Variants in MYO6 observed in about 807,000 individuals in gnomAD.
The protein encoded by MYO6 is myosin VI, also known as unconventional myosin-VI.
Under a neutral mutation model 178.7 loss-of-function variants are expected in MYO6, and 74 were observed. The observed-to-expected ratio is 0.41, with a 90% CI of 0.34 to 0.50. The LOEUF (loss-of-function observed/expected upper bound fraction) is 0.50, where lower values mean the gene tolerates loss of function less well. Among genes scored for constraint, MYO6 ranks in the 20% least tolerant of loss-of-function variants. The probability of loss-of-function intolerance (pLI) is 0.09; values close to 1 mark genes in which losing one functional copy is unlikely to be tolerated. For missense variants in MYO6, 1,330 were observed against 1,547.4 expected (o/e 0.86, Z 2.36); for synonymous variants, 477 against 504.6 (o/e 0.95, Z 0.73).
chr6:75,887,611 A>G (rs1334636086), intron 25 of MYO6, among the ~76,000 whole-genome samples: 3 of 139,218 alleles, frequency 2.2e-5, no homozygotes. Flanking sequence ...ACTGCACTCC[A>G]GCCTGGTGAC....
At chr6:75,791,427 A>G (rs971373587) in intron 1 of MYO6, among the ~76,000 whole-genome samples, 5 of 152,218 alleles carry the variant, frequency 3.3e-5, no homozygotes, top group African/African-American at 7.2e-5. Context: ...AATGATTTCT[A>G]ACCAGTGTAA....
rs199543711 is a variant in MYO6, at chr6:75,850,804, A to T, written c.1078+2273A>T. Reference sequence around the variant, plus strand: ...TACGCGAGTTAAATATTTGTAAATGATTTGAGTACTTGTGTCTGGCACATA... The same window carrying T: ...TACGCGAGTTAAATATTTGTAAATGTTTTGAGTACTTGTGTCTGGCACATA... On this transcript the variant is annotated intron_variant, in intron 11 of 34. Transcript: ENST00000369977. 9.2e-5 allele frequency among the ~76,000 whole-genome samples: 14 copies of T among 152,310 alleles called. No homozygotes were observed. In the East Asian group the frequency reaches 2.5e-3, roughly 27 times the overall value.
intron 30 of MYO6, among the ~76,000 whole-genome samples, chr6:75,904,791 G>A (rs1408444696): frequency 6.6e-6 from 1 of 152,212 alleles, no homozygotes; most frequent in African/African-American, 2.4e-5. Context: ...TCCTTTGGAG[G>A]AGGAGAGGCG....
intron 22 of MYO6, among the ~76,000 whole-genome samples, chr6:75,881,229 G>T (rs1280785435): frequency 6.6e-6 from 1 of 152,132 alleles, no homozygotes; most frequent in East Asian, 1.9e-4. Context: ...AAAAAAGGTT[G>T]GGGGTGGGTA....
chr6:75,762,677 G>A (rs1174049756), intron 1 of MYO6, among the ~76,000 whole-genome samples: 1 of 152,176 alleles, frequency 6.6e-6, no homozygotes, highest in East Asian at 1.9e-4. Flanking sequence ...TTTCTGCTCT[G>A]CACAGGGCTC....
At chr6:75,775,541 C>T (rs1766297585) in intron 1 of MYO6, among the ~76,000 whole-genome samples, 2 of 152,148 alleles carry the variant, frequency 1.3e-5, no homozygotes, top group South Asian at 2.1e-4. Context: ...GCCTGCTTTA[C>T]CAAAGATCAG....
intron 1 of MYO6, among the ~76,000 whole-genome samples, chr6:75,764,011 A>C (rs1270245090): frequency 6.6e-6 from 1 of 152,166 alleles, no homozygotes; most frequent in Non-Finnish European, 1.5e-5. Context: ...CAGTGGCCTC[A>C]TTTAGAGCAT....
intron 28 of MYO6, among the ~76,000 whole-genome samples, chr6:75,894,326 G>A (rs1779126952): frequency 2.0e-5 from 3 of 152,150 alleles, no homozygotes; most frequent in Admixed American, 2.0e-4. Flanking sequence ...AATTAGCTAG[G>A]TAATGGGACC....
chr6:75,790,727 C>T (rs1343497953), intron 1 of MYO6, among the ~76,000 whole-genome samples: 1 of 151,988 alleles, frequency 6.6e-6, no homozygotes, highest in African/African-American at 2.4e-5. Flanking sequence ...ATGATAACAT[C>T]TCATTTTAGT....
chr6:75,789,321 A>AAAGT (rs757494902), intron 1 of MYO6, among the ~76,000 whole-genome samples: 31 of 152,338 alleles, frequency 2.0e-4, no homozygotes, highest in Non-Finnish European at 3.2e-4. Flanking sequence ...AATGTGTGAA[A>AAAGT]AAGTGCCTAT....
intron 29 of MYO6, among the ~76,000 whole-genome samples, chr6:75,895,844 C>G (rs571791869): frequency 2.0e-5 from 3 of 152,054 alleles, no homozygotes; most frequent in African/African-American, 7.2e-5. Context: ...TAAACTGCCC[C>G]TTACCTTACT....
At chr6:75,824,003 G>T (rs528025297) in intron 3 of MYO6, among the ~76,000 whole-genome samples, 1 of 152,174 alleles carries the variant, frequency 6.6e-6, no homozygotes, top group Admixed American at 6.5e-5. Context: ...ATACATTTTT[G>T]AATAGCAATC....
At chr6:75,755,408 A>C (rs946886134) in intron 1 of MYO6, among the ~76,000 whole-genome samples, 1 of 152,118 alleles carries the variant, frequency 6.6e-6, no homozygotes, top group Non-Finnish European at 1.5e-5. Context: ...AGTTCTGAAA[A>C]ATTAGGGTCA....
chr6:75,875,918 G>A (rs918803615), intron 20 of MYO6, among the ~76,000 whole-genome samples: 1 of 152,172 alleles, frequency 6.6e-6, no homozygotes, highest in African/African-American at 2.4e-5. Flanking sequence ...AATGGCTTCA[G>A]ATGAGTATTA....
At chr6:75,790,718 T>C (rs983730722) in intron 1 of MYO6, among the ~76,000 whole-genome samples, 2 of 152,158 alleles carry the variant, frequency 1.3e-5, no homozygotes, top group Admixed American at 1.3e-4. Flanking sequence ...GTCAAAAGAA[T>C]GATAACATCT....
intron 11 of MYO6, among the ~76,000 whole-genome samples, chr6:75,854,056 C>A (rs1204956698): frequency 6.6e-6 from 1 of 152,058 alleles, no homozygotes; most frequent in Non-Finnish European, 1.5e-5. Flanking sequence ...CACTTTCTTT[C>A]TTTATAGTAC....
At chr6:75,835,258 A>AT (rs1271190001) in intron 6 of MYO6, among the ~76,000 whole-genome samples, 14 of 152,212 alleles carry the variant, frequency 9.2e-5, no homozygotes, top group African/African-American at 3.4e-4. Context: ...TTAAAAAACA[A>AT]TGTCAATTAG....
intron 14 of MYO6, among the ~76,000 whole-genome samples, chr6:75,859,214 G>A (rs1315856623): frequency 6.6e-6 from 1 of 152,058 alleles, no homozygotes; most frequent in African/African-American, 2.4e-5. Context: ...CCCTTAATAG[G>A]GGCTTCCTCA....
chr6:75,844,545 A>G (rs922648281), intron 9 of MYO6, among the ~76,000 whole-genome samples: 4 of 152,108 alleles, frequency 2.6e-5, no homozygotes, highest in Non-Finnish European at 5.9e-5. Flanking sequence ...GATTCTACAT[A>G]TTTAGTAGGA....
Sources: gnomAD v4.1 joint callset for allele counts (sites outside exome capture counted in the v4.1 genomes callset) on GRCh38, gnomAD v4.1.1 for gene constraint, MANE v1.5 for transcripts, NCBI Gene and HGNC (gene_info 2026-07-23, HGNC 2026-07-21) for gene names.